Variants in LYRM1 observed in about 807,000 individuals in gnomAD.
The protein encoded by LYRM1 is LYR motif-containing protein 1.
Under a neutral mutation model 14.9 loss-of-function variants are expected in LYRM1, and 14 were observed. The observed-to-expected ratio is 0.94, with a 90% confidence interval of 0.62 to 1.47. The LOEUF (loss-of-function observed/expected upper bound fraction) is 1.47. Among genes scored for constraint, LYRM1 ranks in the 40% most tolerant of loss-of-function variants. The probability of loss-of-function intolerance (pLI) is 0.00; values close to 1 mark genes in which losing one functional copy is unlikely to be tolerated. For synonymous variants in LYRM1, 43 were observed against 56.2 expected (o/e 0.77, Z 1.05); for missense variants, 153 against 149.9 (o/e 1.02, Z -0.11).
In LYRM1 at chr16:20,901,285, G is replaced by A. The variant is rs950869512; in HGVS notation, c.-1+396G>A. The A allele has an allele frequency of 1.3e-5, 2 of 152,338 alleles. No individual in the cohort carries two copies. Among genetic ancestry groups the A allele is most frequent in the African/African-American group, 2.4e-5 (1 of 41,466 alleles). The allele number at this position is 152,338 out of a possible 1,614,324, so 9.4% of individuals were successfully genotyped here. ...ACGGAGACTCCCTAGGACCGTGAGA[G>A]CCAGCTTCGTAATTCTCTTGCTCTT... On this transcript the variant is annotated intron_variant, in intron 1 of 3. Coordinates refer to ENST00000567954, the MANE Select transcript of LYRM1 (RefSeq NM_001128302.3). This position sits in a 1 kb window ranked among gnomAD's most constrained non-coding sequence, Gnocchi z 4.6.
chr16:20,916,434 G>A lies in LYRM1; in HGVS notation c.159+720G>A, dbSNP rs182107150. 1.6e-3 allele frequency among the ~76,000 whole-genome samples: 236 copies of A among 152,226 alleles called. 1 individual carries two copies. The highest frequency in any genetic ancestry group is 5.4e-3 in the African/African-American group (224 of 41,534). On this transcript the variant is annotated intron_variant, in intron 2 of 3. Coordinates refer to ENST00000567954, the MANE Select transcript of LYRM1 (RefSeq NM_001128302.3). ...CTCACTGATCTAATGGATTCAGCGC[G>A]GTCACTGCTCCCCTCATGAAACTTC...
intron 2 of LYRM1, among the ~76,000 whole-genome samples, chr16:20,917,767 C>T (rs1327445224): frequency 1.3e-5 from 2 of 151,494 alleles, no homozygotes; most frequent in Non-Finnish European, 2.9e-5. Flanking sequence ...CCAAAAAAAC[C>T]AAAAAAAGAG....
At chr16:20,922,913 G>T (rs1002167133) in intron 3 of LYRM1, among the ~76,000 whole-genome samples, 1 of 152,070 alleles carries the variant, frequency 6.6e-6, no homozygotes, top group African/African-American at 2.4e-5. Context: ...GAGTCCACAG[G>T]CCTGAGAACC....
chr16:20,902,760 TTGTC>T (rs1394477036), intron 1 of LYRM1: 2 of 152,152 alleles, frequency 1.3e-5, no homozygotes, highest in Non-Finnish European at 2.9e-5. Context: ...TTTGGATAAA[TTGTC>T]TGTTTATATG....
intron 2 of LYRM1, 49 bp downstream of exon 2, chr16:20,915,763 GAT>G: frequency 6.3e-7 from 1 of 1,583,930 alleles, no homozygotes; most frequent in Non-Finnish European, 8.6e-7. Context: ...TGTTCCTTAT[GAT>G]ATTTGTTTAT....
chr16:20,920,351 T>C, intron 3 of LYRM1, 137 bp downstream of exon 3: 3 of 711,730 alleles, frequency 4.2e-6, no homozygotes, highest in South Asian at 1.6e-5. Flanking sequence ...AAATAAGCTA[T>C]CATTGCATGC....
intron 1 of LYRM1, among the ~76,000 whole-genome samples, chr16:20,903,171 T>G (rs1008552605): frequency 7.9e-5 from 12 of 152,248 alleles, no homozygotes; most frequent in African/African-American, 2.9e-4. Context: ...TTAAATTCTT[T>G]TTTAAATTTA....
chr16:20,912,804 T>C (rs2082662933), intron 1 of LYRM1, among the ~76,000 whole-genome samples: 1 of 151,192 alleles, frequency 6.6e-6, no homozygotes, highest in African/African-American at 2.4e-5. Flanking sequence ...CGGTGGCTCA[T>C]GCCTGTAATC....
chr16:20,917,891 C>T (rs888925131), intron 2 of LYRM1, among the ~76,000 whole-genome samples: 2 of 151,880 alleles, frequency 1.3e-5, no homozygotes, highest in East Asian at 3.9e-4. Context: ...GTTCCTTGAA[C>T]ATATAGACAC....
chr16:20,904,419 A>G (rs986883052), intron 1 of LYRM1, among the ~76,000 whole-genome samples: 3 of 152,116 alleles, frequency 2.0e-5, no homozygotes, highest in Non-Finnish European at 2.9e-5. Flanking sequence ...AACTTCCCAT[A>G]TTACAGGGCC....
rs1285361599 is a variant in LYRM1, at chr16:20,901,689, C to T, written c.-1+800C>T. On this transcript the variant is annotated intron_variant, in intron 1 of 3. Coordinates refer to ENST00000567954, the MANE Select transcript of LYRM1 (RefSeq NM_001128302.3). The surrounding 1 kb of genome is among the most constrained non-coding windows in gnomAD (Gnocchi z 4.6). Reference sequence around the variant, plus strand: ...AGGCAGGGGTTTGGCTAATGTGTACCTTAAGGGTTTTAAGAAGGGAAGTGA... The same window carrying T: ...AGGCAGGGGTTTGGCTAATGTGTACTTTAAGGGTTTTAAGAAGGGAAGTGA... 1.3e-5 allele frequency among the ~76,000 whole-genome samples: 2 copies of T among 152,196 alleles called. No homozygotes were observed. The highest frequency in any genetic ancestry group is 4.8e-5 in the African/African-American group (2 of 41,444).
intron 1 of LYRM1, among the ~76,000 whole-genome samples, chr16:20,910,554 G>C (rs1281267746): frequency 6.6e-6 from 1 of 152,226 alleles, no homozygotes; most frequent in African/African-American, 2.4e-5. Flanking sequence ...TGATCAGTTA[G>C]AGTTTGAAAC....
intron 1 of LYRM1, among the ~76,000 whole-genome samples, chr16:20,906,661 C>T (rs1485503966): frequency 6.6e-6 from 1 of 152,194 alleles, no homozygotes; most frequent in African/African-American, 2.4e-5. Flanking sequence ...ATTCCTGAGA[C>T]CAGAGTCATA....
intron 1 of LYRM1, among the ~76,000 whole-genome samples, chr16:20,904,691 TTGTGTG>T (rs3841490): frequency 2.8e-5 from 4 of 141,060 alleles, no homozygotes; most frequent in African/African-American, 1.1e-4. Flanking sequence ...AAGTCTGTGG[TTGTGTG>T]TGTGTGTGTG....
At chr16:20,919,049 T>C (rs1465585768) in intron 2 of LYRM1, among the ~76,000 whole-genome samples, 7 of 152,226 alleles carry the variant, frequency 4.6e-5, no homozygotes. Flanking sequence ...TGCAAACTCC[T>C]AGCAGAGCCA....
intron 2 of LYRM1, among the ~76,000 whole-genome samples, chr16:20,915,924 A>T (rs1335065328): frequency 1.3e-5 from 2 of 152,192 alleles, no homozygotes; most frequent in Non-Finnish European, 2.9e-5. Flanking sequence ...GTCTCAAGCC[A>T]GCCAGTAAGT....
intron 1 of LYRM1, among the ~76,000 whole-genome samples, chr16:20,906,535 G>A (rs1951629041): frequency 6.6e-6 from 1 of 152,186 alleles, no homozygotes; most frequent in Non-Finnish European, 1.5e-5. Flanking sequence ...TTAACTTCCT[G>A]GGGCTTGAAA....
chr16:20,922,869 G>A (rs893835743), intron 3 of LYRM1, among the ~76,000 whole-genome samples: 1 of 152,026 alleles, frequency 6.6e-6, no homozygotes, highest in East Asian at 1.9e-4. Flanking sequence ...GCAAGCTGGA[G>A]ACCCAGAAGA....
At chr16:20,906,098 C>G (rs910956979) in intron 1 of LYRM1, among the ~76,000 whole-genome samples, 1 of 152,156 alleles carries the variant, frequency 6.6e-6, no homozygotes, top group African/African-American at 2.4e-5. Context: ...CTCCTACTCC[C>G]TGCAACACAC....
Sources: allele counts gnomAD v4.1 joint callset (sites outside exome capture counted in the v4.1 genomes callset), GRCh38; gene constraint gnomAD v4.1.1; non-coding constraint Gnocchi (gnomAD v3.1); transcripts MANE v1.5; gene names NCBI Gene and HGNC (gene_info 2026-07-23, HGNC 2026-07-21).